NCLN: variants seen among roughly 807,000 people sequenced by gnomAD.
The protein encoded by NCLN is BOS complex subunit NCLN.
A neutral mutation model predicts 69.5 loss-of-function variants in NCLN; 34 were observed. That is an observed-to-expected ratio of 0.49 (90% CI 0.37 to 0.65). NCLN has a LOEUF of 0.65. NCLN is among the 30% of genes least tolerant of loss of function. The probability of loss-of-function intolerance (pLI) is 0.00; values close to 1 mark genes in which losing one functional copy is unlikely to be tolerated. For missense variants in NCLN, 710 were observed against 804.8 expected, an observed-to-expected ratio of 0.88 and a Z score of 1.42; for synonymous variants, 393 against 358.3, an observed-to-expected ratio of 1.10 and a Z score of -1.09.
intron 4 of NCLN, among the ~76,000 whole-genome samples, chr19:3,197,916 G>C (rs1015942548): frequency 6.6e-6 from 1 of 152,086 alleles, no homozygotes; most frequent in African/African-American, 2.4e-5. Context: ...CCACCGTGCC[G>C]GGCTGTGTAA....
Position 3,207,169 on chromosome 19 carries a change from T to A in NCLN, c.1500-29T>A, listed in dbSNP as rs1170241570. On this transcript the variant is annotated intron_variant, in intron 12 of 14. Transcript: ENST00000246117. ...TTTAAGAATTAGCTGGGCGCAGTGG[T>A]GCCCCCTGAGAAAGTGCTCTCTCCC... 2.5e-6 allele frequency: 4 copies of A among 1,612,714 alleles called. No individual in the cohort carries two copies. The Admixed American group carries it at 6.7e-5, about 27-fold the overall frequency.
rs946753653 is a variant in NCLN at position 3,209,435 on chromosome 19, G to C, written c.*1747G>C. 242 of 152,412 alleles carry C rather than the reference G, an allele frequency of 1.6e-3. 1 individual carries two copies. Among genetic ancestry groups the C allele is most frequent in the Non-Finnish European group, 2.2e-4 (15 of 68,070 alleles). 9.4% of individuals were successfully genotyped at this position (152,412 alleles called of 1,614,324 possible). On this transcript the variant is annotated 3_prime_UTR_variant, in exon 15 of 15. Transcript: ENST00000246117. ...CAGGCTCCTGTCTGGGTGCCACGGG[G>C]CCAGCATTTTGGAGGGAGCTTCCTT...
rs13382075 is a variant in NCLN at position 3,196,875 on chromosome 19, C to T, written c.615+598C>T. 2.3e-3 allele frequency among the ~76,000 whole-genome samples: 356 copies of T among 152,338 alleles called. 1 individual carries two copies. Among genetic ancestry groups the T allele is most frequent in the African/African-American group, 7.5e-3 (312 of 41,582 alleles). ...CTAGCATTTCCCTGCGGGACGGCGC[C>T]GGTGAGGGGTGCAGATGAGTCCACA... On this transcript the variant is annotated intron_variant, in intron 4 of 14. Transcript: ENST00000246117.
In NCLN at chr19:3,185,953, C is replaced by A. The variant is rs1356640090; in HGVS notation, c.-78C>A. ...GCAGGACCCCGGCGGCTACCCATGCCGAGGTGAGTCCGCGGGAGCCGCCGC... is the reference window on the plus strand; with the variant it reads ...GCAGGACCCCGGCGGCTACCCATGCAGAGGTGAGTCCGCGGGAGCCGCCGC... On this transcript the variant is annotated 5_prime_UTR_variant, in exon 1 of 15. Transcript: ENST00000246117. The A allele has an allele frequency of 7.5e-6, 9 of 1,203,178 alleles. No homozygotes were observed. The South Asian group carries it at 1.5e-4, about 20-fold the overall frequency. 74.5% of individuals were successfully genotyped at this position (1,203,178 alleles called of 1,614,324 possible). A position where few individuals can be genotyped will look rare whatever the true frequency, so the allele number is the denominator to read the frequency against.
At chr19:3,189,654 C>T (rs518669) in intron 1 of NCLN, among the ~76,000 whole-genome samples, 63,768 of 152,166 alleles carry the variant, frequency 0.42, 13,425 homozygotes, top group East Asian at 0.54. Flanking sequence ...CATTCAGACG[C>T]GGGTCTGAGG....
Position 3,191,309 on chromosome 19 carries a change from C to A in NCLN, c.185-1161C>A, listed in dbSNP as rs540291792. On this transcript the variant is annotated intron_variant, in intron 1 of 14. Transcript: ENST00000246117. Reference sequence around the variant, plus strand: ...CGAAACCAGAAGCCCTGGCGAGTTTCCAGAGCGGTGACCGTGGGGAGCGCC... The same window carrying A: ...CGAAACCAGAAGCCCTGGCGAGTTTACAGAGCGGTGACCGTGGGGAGCGCC... 3.3e-5 allele frequency among the ~76,000 whole-genome samples: 5 copies of A among 152,114 alleles called. No individual in the cohort carries two copies. In the South Asian group the frequency reaches 8.3e-4, roughly 25 times the overall value.
In NCLN at chr19:3,195,457, G is replaced by A. The variant is rs568434319; in HGVS notation, c.521-726G>A. 1.4e-4 allele frequency among the ~76,000 whole-genome samples: 21 copies of A among 152,164 alleles called. 1 individual carries two copies. Among genetic ancestry groups the A allele is most frequent in the East Asian group, 9.7e-4 (5 of 5,132 alleles). On this transcript the variant is annotated intron_variant, in intron 3 of 14. Coordinates refer to ENST00000246117, the MANE Select transcript of NCLN (RefSeq NM_020170.4). ...GTAGAGACGGGGTTTCACCGTGTTA[G>A]CCAGGAGGGTCTCGATCTCCTGACG...
At position 3,205,138 on chromosome 19, in the gene NCLN, G is replaced by A. The variant is rs1223802526; in HGVS notation, c.1208+387G>A. Among the ~76,000 whole-genome samples the A allele has an allele frequency of 5.3e-5, 8 of 152,228 alleles. No homozygotes were observed. The highest frequency in any genetic ancestry group is 1.9e-4 in the East Asian group (1 of 5,186). On this transcript the variant is annotated intron_variant, in intron 9 of 14. Coordinates refer to ENST00000246117, the MANE Select transcript of NCLN (RefSeq NM_020170.4). The surrounding 1 kb of genome is among the most constrained non-coding windows in gnomAD (Gnocchi z 4.6). ...CCACACCCCGGCCCTTCCTCGCCCC[G>A]CCTCCCTCTGGGCACTGTGTCTCTG...
chr19:3,204,065 G>A lies in NCLN; in HGVS notation c.950G>A (p.Gly317Asp). Residue 317 changes from glycine to aspartate, a missense_variant, in exon 8 of 15, where the codon GGC becomes GAC. By Grantham distance (94) the Gly-to-Asp change is moderately conservative. Coordinates refer to ENST00000246117, the MANE Select transcript of NCLN (RefSeq NM_020170.4). ...CTGTGCCTGGACACCGTGGGCCGGGGCAGCAGCCTGCACCTGCACGTGTCC... is the reference window on the plus strand; with the variant it reads ...CTGTGCCTGGACACCGTGGGCCGGGACAGCAGCCTGCACCTGCACGTGTCC... ...FVLCLDTVGR[G>D]SSLHLHVSKP... 1 of 1,562,816 alleles carries A rather than the reference G, an allele frequency of 6.4e-7. No individual in the cohort carries two copies.
chr19:3,206,448 G>GC, intron 12 of NCLN, 23 bp downstream of exon 12: 1 of 1,537,804 alleles, frequency 6.5e-7, no homozygotes, highest in Non-Finnish European at 8.8e-7. Flanking sequence ...CTCCGCGCTG[G>GC]CCCCGTTCAG....
chr19:3,207,509 G>T (rs750854992), intron 14 of NCLN, 40 bp downstream of exon 14: 6 of 1,609,602 alleles, frequency 3.7e-6, no homozygotes, highest in Non-Finnish European at 4.2e-6. Context: ...GGGGCCGCCC[G>T]CCGGGAGGAG....
At chr19:3,190,458 T>C (rs1279833989) in intron 1 of NCLN, among the ~76,000 whole-genome samples, 2 of 152,120 alleles carry the variant, frequency 1.3e-5, no homozygotes, top group Admixed American at 1.3e-4. Flanking sequence ...AGACACCCCG[T>C]TGGAGCAGGC....
At chr19:3,207,129 C>T in intron 12 of NCLN, 69 bp from the exon 13 acceptor site, 1 of 1,570,220 alleles carries the variant, frequency 6.4e-7, no homozygotes, top group Non-Finnish European at 8.8e-7. Context: ...CAGTCTCCAT[C>T]TCTACAAACC....
At chr19:3,192,873 C>T (rs1159043795) in intron 2 of NCLN, among the ~76,000 whole-genome samples, 3 of 152,146 alleles carry the variant, frequency 2.0e-5, no homozygotes, top group South Asian at 2.1e-4. Context: ...CCGCTCCGGG[C>T]GTGGAGTGGA....
Position 3,208,679 on chromosome 19 carries a change from C to T in NCLN, c.*991C>T, listed in dbSNP as rs1269275540. Reference sequence around the variant, plus strand: ...GAGGCAGGAGGTGGCCCGGGGAGGCCTTGTGGCTCCTCCCCTCGCTCCTCG... The same window carrying T: ...GAGGCAGGAGGTGGCCCGGGGAGGCTTTGTGGCTCCTCCCCTCGCTCCTCG... On this transcript the variant is annotated 3_prime_UTR_variant, in exon 15 of 15. Transcript: ENST00000246117. The T allele has an allele frequency of 6.6e-6, 1 of 152,074 alleles. No individual in the cohort carries two copies. Among genetic ancestry groups the T allele is most frequent in the African/African-American group, 2.4e-5 (1 of 41,360 alleles). The allele number at this position is 152,074 out of a possible 1,614,324, so 9.4% of individuals were successfully genotyped here.
intron 3 of NCLN, among the ~76,000 whole-genome samples, chr19:3,195,490 T>C (rs1599352477): frequency 1.1e-4 from 16 of 152,084 alleles, no homozygotes; most frequent in Admixed American, 9.8e-4. Flanking sequence ...ACGTCGTGAT[T>C]CGCCCGCCTC....
chr19:3,194,438 G>T (rs982746858), intron 3 of NCLN, among the ~76,000 whole-genome samples: 1 of 152,212 alleles, frequency 6.6e-6, no homozygotes, highest in Non-Finnish European at 1.5e-5. Context: ...CAGATGCAGA[G>T]TTGGCTAACA....
chr19:3,192,801 C>T, intron 2 of NCLN, 141 bp downstream of exon 2: 1 of 807,750 alleles, frequency 1.2e-6, no homozygotes, highest in East Asian at 3.0e-5. Flanking sequence ...CTCCATTGAT[C>T]TCCAAGGGGT....
At chr19:3,187,909 C>T (rs1205469927) in intron 1 of NCLN, among the ~76,000 whole-genome samples, 1 of 152,134 alleles carries the variant, frequency 6.6e-6, no homozygotes, top group Non-Finnish European at 1.5e-5. Flanking sequence ...CGGGCACCAT[C>T]CTGTAGAATC....
Sources: allele counts gnomAD v4.1 joint callset (sites outside exome capture counted in the v4.1 genomes callset), GRCh38; gene constraint gnomAD v4.1.1; non-coding constraint Gnocchi (gnomAD v3.1); transcripts MANE v1.5; gene names NCBI Gene and HGNC (gene_info 2026-07-23, HGNC 2026-07-21).